GPD2: variants seen among roughly 807,000 people sequenced by gnomAD.
The protein encoded by GPD2 is glycerol-3-phosphate dehydrogenase, mitochondrial.
GPD2 carries 54 observed loss-of-function variants against 82.4 expected under a neutral mutation model. The ratio of observed to expected loss-of-function variants is 0.66; its 90% CI spans 0.53 to 0.82. The LOEUF is 0.82. Ranked by LOEUF, GPD2 falls within the 40% of genes least tolerant of loss-of-function variation. The pLI, the probability that GPD2 is intolerant of heterozygous loss-of-function variation, is 0.00. For missense variants in GPD2, 748 were observed against 896.2 expected (o/e 0.83, Z 2.11); for synonymous variants, 288 against 306.1 (o/e 0.94, Z 0.62).
chr2:156,553,985 A>T (rs773612250), intron 8 of GPD2, among the ~76,000 whole-genome samples: 1 of 152,164 alleles, frequency 6.6e-6, no homozygotes, highest in Non-Finnish European at 1.5e-5. Context: ...TGTGAGCTAT[A>T]ACCACTACAC....
chr2:156,459,686 C>CAAAAAAAAAAAAAAAAAAA (rs564494059), intron 1 of GPD2, among the ~76,000 whole-genome samples: 10 of 38,774 alleles, frequency 2.6e-4, no homozygotes, highest in East Asian at 1.5e-3. Context: ...GACTCCGTCT[C>CAAAAAAAAAAAAAAAAAAA]AAAAAAAAAA....
At chr2:156,502,071 G>A (rs1279277175) in intron 3 of GPD2, among the ~76,000 whole-genome samples, 5 of 151,264 alleles carry the variant, frequency 3.3e-5, no homozygotes, top group African/African-American at 1.2e-4. Context: ...AAATGATGTT[G>A]GGGTATCCAC....
intron 8 of GPD2, among the ~76,000 whole-genome samples, chr2:156,555,498 G>T (rs3769370): frequency 0.27 from 40,981 of 151,904 alleles, 6,008 homozygotes; most frequent in East Asian, 0.58. Flanking sequence ...CATATAATTC[G>T]TTTATCAATT....
At chr2:156,421,098 C>G in the GPD2 span, among the ~76,000 whole-genome samples, 14 of 152,320 alleles carry the variant, frequency 9.2e-5, no homozygotes, top group South Asian at 1.9e-3. Flanking sequence ...GTCTGAGATT[C>G]TACATTTCAA....
At chr2:156,458,015 T>C (rs1682846366) in intron 1 of GPD2, among the ~76,000 whole-genome samples, 1 of 152,242 alleles carries the variant, frequency 6.6e-6, no homozygotes, top group Admixed American at 6.5e-5. Context: ...GTCTTCTGTC[T>C]CCTACACTGG....
rs1688094916 is a variant in GPD2, at chr2:156,583,268, G to GA, written c.*356dup. 1 of 312,496 alleles carries GA rather than the reference G, an allele frequency of 3.2e-6. No homozygotes were observed. Among genetic ancestry groups the GA allele is most frequent in the Non-Finnish European group, 6.3e-6 (1 of 159,892 alleles). The allele number at this position is 312,496 out of a possible 1,614,324, so 19.4% of individuals were successfully genotyped here. On this transcript the variant is annotated 3_prime_UTR_variant, in exon 17 of 17. Transcript: ENST00000438166. ...AAAACATAATATTTTGGCAAAAATTGAAAAAAGCTGGAGACATTTTGTGAC... is the reference window on the plus strand; with the variant it reads ...AAAACATAATATTTTGGCAAAAATTGAAAAAAAGCTGGAGACATTTTGTGAC...
chr2:156,578,124 G>A (rs954517327), intron 13 of GPD2, among the ~76,000 whole-genome samples: 2 of 152,086 alleles, frequency 1.3e-5, no homozygotes, highest in African/African-American at 4.8e-5. Context: ...ATGACATGAT[G>A]AAAACTAAGA....
intron 1 of GPD2, among the ~76,000 whole-genome samples, chr2:156,437,028 T>G (rs1290106131): frequency 1.3e-5 from 2 of 152,198 alleles, no homozygotes; most frequent in Non-Finnish European, 2.9e-5. Context: ...AAGGTGTAGC[T>G]GGGTGAATGA....
intron 6 of GPD2, among the ~76,000 whole-genome samples, chr2:156,531,938 C>G (rs763858699): frequency 2.6e-5 from 4 of 151,946 alleles, no homozygotes; most frequent in African/African-American, 4.8e-5. Context: ...GGGAGGCAGT[C>G]CAAAGATAGG....
At chr2:156,414,753 C>T in the GPD2 span, among the ~76,000 whole-genome samples, 2 of 152,192 alleles carry the variant, frequency 1.3e-5, no homozygotes, top group Admixed American at 1.3e-4. Flanking sequence ...TTAACAAAAA[C>T]TTGGTTTTTC....
At position 156,512,907 on chromosome 2, in the gene GPD2, A is replaced by G. The variant is rs574821742; in HGVS notation, c.498-426A>G. Reference sequence around the variant, plus strand: ...CCACATTAGTGTTGTAGGGGGCTGGAAACAGATTTTTTATAATTTTGTTCA... The same window carrying G: ...CCACATTAGTGTTGTAGGGGGCTGGGAACAGATTTTTTATAATTTTGTTCA... On this transcript the variant is annotated intron_variant, in intron 5 of 16. Transcript: ENST00000438166. 2.0e-5 allele frequency among the ~76,000 whole-genome samples: 3 copies of G among 152,300 alleles called. No individual in the cohort carries two copies. The South Asian group carries it at 6.2e-4, about 32-fold the overall frequency.
Position 156,438,982 on chromosome 2 carries a change from C to T in GPD2, c.-9+2469C>T, listed in dbSNP as rs1682047137. On this transcript the variant is annotated intron_variant, in intron 1 of 16. Transcript: ENST00000438166. ...TGGCTCAAGTAGTTGGAGACAGCTT[C>T]CTGGTGAAGGGAATGCCACTTCAGT... Among the ~76,000 whole-genome samples, 3 of 152,270 alleles carry T rather than the reference C, an allele frequency of 2.0e-5. 1 individual carries two copies. Among genetic ancestry groups the T allele is most frequent in the East Asian group, 3.9e-4 (2 of 5,188 alleles).
At chr2:156,538,820 C>CA (rs34693625) in intron 6 of GPD2, among the ~76,000 whole-genome samples, 91,115 of 109,886 alleles carry the variant, frequency 0.83, 38,160 homozygotes, top group East Asian at 0.92. Context: ...GACTGCATCT[C>CA]AAAAAAAAAA....
chr2:156,482,067 A>AAAAGTGTTAACT (rs1683752543), intron 2 of GPD2, among the ~76,000 whole-genome samples: 1 of 152,238 alleles, frequency 6.6e-6, no homozygotes, highest in Admixed American at 6.5e-5. Context: ...GAAGCTTTCA[A>AAAAGTGTTAACT]AAAGTGTTAC....
intron 6 of GPD2, among the ~76,000 whole-genome samples, chr2:156,519,927 A>G (rs918269584): frequency 9.2e-5 from 14 of 152,220 alleles, no homozygotes; most frequent in Non-Finnish European, 1.8e-4. Flanking sequence ...AGTCAGGGTG[A>G]CAGCCTTTTA....
chr2:156,565,143 A>G (rs1687337455), intron 9 of GPD2, among the ~76,000 whole-genome samples: 1 of 152,144 alleles, frequency 6.6e-6, no homozygotes, highest in Admixed American at 6.6e-5. Context: ...CTAATTTTCC[A>G]TCAAATAACT....
intron 6 of GPD2, among the ~76,000 whole-genome samples, chr2:156,528,646 T>C (rs1424843631): frequency 4.6e-4 from 64 of 139,652 alleles, no homozygotes; most frequent in Admixed American, 1.4e-3. Flanking sequence ...TGTCCATGTG[T>C]TCTCATTGTT....
chr2:156,560,163 A>C (rs1245026144), intron 9 of GPD2, among the ~76,000 whole-genome samples: 1 of 152,172 alleles, frequency 6.6e-6, no homozygotes, highest in Non-Finnish European at 1.5e-5. Flanking sequence ...GATGTGCTGG[A>C]AGCAGGTGTG....
chr2:156,533,044 A>G (rs1685926535), intron 6 of GPD2, among the ~76,000 whole-genome samples: 1 of 152,172 alleles, frequency 6.6e-6, no homozygotes, highest in Admixed American at 6.5e-5. Context: ...CAGACTTTCA[A>G]ATTGTTCCTC....
Sources: allele counts gnomAD v4.1 joint callset (sites outside exome capture counted in the v4.1 genomes callset), GRCh38; gene constraint gnomAD v4.1.1; transcripts MANE v1.5; gene names NCBI Gene and HGNC (gene_info 2026-07-23, HGNC 2026-07-21).